The following SHB variants were observed in gnomAD, a reference collection of about 807,000 sequenced individuals.
The protein encoded by SHB is SH2 domain containing adaptor protein B, also known as SH2 domain-containing adapter protein B.
SHB carries 20 observed loss-of-function variants against 52.3 expected under a neutral mutation model. The ratio of observed to expected loss-of-function variants is 0.38; its 90% CI spans 0.27 to 0.56. The LOEUF (loss-of-function observed/expected upper bound fraction) is 0.56, where lower values mean the gene tolerates loss of function less well. Among genes scored for constraint, SHB ranks in the 20% least tolerant of loss-of-function variants. The probability of loss-of-function intolerance (pLI) is 0.71; values close to 1 mark genes in which losing one functional copy is unlikely to be tolerated. For synonymous variants in SHB, 397 were observed against 316.5 expected, an observed-to-expected ratio of 1.25 and a Z score of -2.70; for missense variants, 825 against 723.3, an observed-to-expected ratio of 1.14 and a Z score of -1.61.
intron 5 of SHB, among the ~76,000 whole-genome samples, chr9:37,929,373 A>G (rs542932820): frequency 1.3e-5 from 2 of 152,212 alleles, no homozygotes; most frequent in African/African-American, 4.8e-5. Context: ...AGCTTAATGC[A>G]TTTTTAAATT....
At position 37,916,678 on chromosome 9, in the gene SHB, T is replaced by C. The variant is rs1276847975; in HGVS notation, c.*3143A>G. On this transcript the variant is annotated 3_prime_UTR_variant, in exon 6 of 6. Coordinates refer to ENST00000377707, the MANE Select transcript of SHB (RefSeq NM_003028.3). Reference sequence around the variant, plus strand: ...ACCCCTTTCCTGGGAACAGCTACGCTGTGAGCCTCTCTCCAGGAGAGGGTG... The same window carrying C: ...ACCCCTTTCCTGGGAACAGCTACGCCGTGAGCCTCTCTCCAGGAGAGGGTG... Among the ~76,000 whole-genome samples the C allele has an allele frequency of 6.6e-6, 1 of 152,238 alleles. No homozygotes were observed. Among genetic ancestry groups the C allele is most frequent in the Non-Finnish European group, 1.5e-5 (1 of 68,040 alleles).
Position 38,026,964 on chromosome 9 carries a change from G to C in SHB, c.718-10833C>G, listed in dbSNP as rs530683358. 5.9e-5 allele frequency among the ~76,000 whole-genome samples: 9 copies of C among 152,306 alleles called. No homozygotes were observed. The South Asian group carries it at 1.9e-3, about 32-fold the overall frequency. On this transcript the variant is annotated intron_variant, in intron 1 of 5. Coordinates refer to ENST00000377707, the MANE Select transcript of SHB (RefSeq NM_003028.3). ...TTGCTTCCAGGTCCCCAGGGGAGAT[G>C]GGCATTATTCAGTTCACCTCCCCAA...
chr9:38,030,959 A>C (rs1483334961), intron 1 of SHB, among the ~76,000 whole-genome samples: 1 of 152,084 alleles, frequency 6.6e-6, no homozygotes, highest in Non-Finnish European at 1.5e-5. Context: ...TATACAAAAA[A>C]AAAAGGGGGG....
chr9:37,963,372 G>A (rs999176572), intron 3 of SHB, among the ~76,000 whole-genome samples: 2 of 152,218 alleles, frequency 1.3e-5, no homozygotes, highest in Admixed American at 6.5e-5. Flanking sequence ...AAGGCACCGT[G>A]TGTAGACTGC....
chr9:38,068,137 G>A lies in SHB; in HGVS notation c.509C>T (p.Pro170Leu), dbSNP rs559689472. ...HLYRSSSERR[P>L]ATPAEVRYIS... ...GTAGCGCACCTCGGCCGGCGTGGCG[G>A]GCCGCCGCTCGCTGCTGCTGCGGTA... Residue 170 changes from proline (P) to leucine (L), a missense_variant, in exon 1 of 6, where the codon CCC becomes CTC. Transcript: ENST00000377707. The A allele has an allele frequency of 6.3e-6, 9 of 1,439,526 alleles. No homozygotes were observed. Among genetic ancestry groups the A allele is most frequent in the South Asian group, 1.5e-5 (1 of 67,710 alleles). 89.2% of individuals were successfully genotyped at this position (1,439,526 alleles called of 1,614,324 possible).
intron 1 of SHB, among the ~76,000 whole-genome samples, chr9:38,041,274 T>C (rs759197943): frequency 2.6e-5 from 4 of 152,184 alleles, no homozygotes; most frequent in Admixed American, 6.5e-5. Context: ...TCCCTTCCCA[T>C]AACCATGCAC....
At chr9:37,936,801 G>A (rs1832377356) in intron 5 of SHB, 1 of 152,184 alleles carries the variant, frequency 6.6e-6, no homozygotes, top group Non-Finnish European at 1.5e-5. Context: ...AAAACTGGGT[G>A]ACATTTTACA....
In SHB at chr9:38,007,157, G is replaced by C. The variant is rs536944653; in HGVS notation, c.838+8854C>G. 1.6e-4 allele frequency among the ~76,000 whole-genome samples: 25 copies of C among 152,342 alleles called. No individual in the cohort carries two copies. In the South Asian group the frequency reaches 5.0e-3, roughly 30 times the overall value. Reference sequence around the variant, plus strand: ...GCTCACAAATAGCCACCCAGTCAATGAATGAATGCACTGCATTTTTCCCCT... The same window carrying C: ...GCTCACAAATAGCCACCCAGTCAATCAATGAATGCACTGCATTTTTCCCCT... On this transcript the variant is annotated intron_variant, in intron 2 of 5. Coordinates refer to ENST00000377707, the MANE Select transcript of SHB (RefSeq NM_003028.3).
chr9:37,940,338 T>G (rs1222534841), intron 5 of SHB, among the ~76,000 whole-genome samples: 3 of 152,232 alleles, frequency 2.0e-5, no homozygotes. Flanking sequence ...CCCTCAATGG[T>G]GCACTCTCTT....
At chr9:38,039,022 C>T (rs369500431) in intron 1 of SHB, among the ~76,000 whole-genome samples, 2 of 152,214 alleles carry the variant, frequency 1.3e-5, no homozygotes, top group East Asian at 1.9e-4. Flanking sequence ...GAACTCCTGA[C>T]GCTTATCGCT....
chr9:37,953,598 A>G (rs999565263), intron 4 of SHB, among the ~76,000 whole-genome samples: 1 of 152,024 alleles, frequency 6.6e-6, no homozygotes, highest in Non-Finnish European at 1.5e-5. Context: ...AGGTGGTAGG[A>G]GCACCTAGGC....
chr9:37,935,405 C>T (rs1312484980), intron 5 of SHB, among the ~76,000 whole-genome samples: 1 of 152,110 alleles, frequency 6.6e-6, no homozygotes, highest in East Asian at 1.9e-4. Flanking sequence ...GAGGAAATGA[C>T]GGGCACACGG....
At chr9:38,035,041 G>C (rs539189225) in intron 1 of SHB, among the ~76,000 whole-genome samples, 1 of 152,102 alleles carries the variant, frequency 6.6e-6, no homozygotes, top group African/African-American at 2.4e-5. Flanking sequence ...GGATGATAAA[G>C]AGCCCAGACT....
At chr9:37,967,225 T>A (rs975116027) in intron 3 of SHB, among the ~76,000 whole-genome samples, 14 of 152,230 alleles carry the variant, frequency 9.2e-5, no homozygotes, top group African/African-American at 3.1e-4. Context: ...TAATTTCCTG[T>A]CCCTGGTTCC....
chr9:38,062,037 G>A (rs968363490), intron 1 of SHB, among the ~76,000 whole-genome samples: 1 of 152,172 alleles, frequency 6.6e-6, no homozygotes, highest in African/African-American at 2.4e-5. Flanking sequence ...CCTCTTCTAG[G>A]GACACCAAAG....
intron 2 of SHB, 38 bp downstream of exon 2, chr9:38,015,973 A>C: frequency 6.2e-7 from 1 of 1,607,646 alleles, no homozygotes; most frequent in East Asian, 2.2e-5. Flanking sequence ...TACCCCTACA[A>C]CCCCAGCTGT....
intron 1 of SHB, among the ~76,000 whole-genome samples, chr9:38,027,642 T>C (rs1416757272): frequency 6.7e-6 from 1 of 150,110 alleles, no homozygotes; most frequent in African/African-American, 2.5e-5. Flanking sequence ...TGGAGCATGA[T>C]CTGACAGAGG....
intron 5 of SHB, among the ~76,000 whole-genome samples, chr9:37,922,507 T>C (rs184413294): frequency 6.6e-6 from 1 of 151,976 alleles, no homozygotes; most frequent in Non-Finnish European, 1.5e-5. Flanking sequence ...CCCCGGGAAG[T>C]CCCTCCTGCC....
chr9:37,968,340 C>G (rs1007139051), intron 3 of SHB, among the ~76,000 whole-genome samples: 1 of 152,138 alleles, frequency 6.6e-6, no homozygotes, highest in Non-Finnish European at 1.5e-5. Flanking sequence ...TCTCAGGTCC[C>G]GAAGTGGTGA....
Sources: allele counts gnomAD v4.1 joint callset (sites outside exome capture counted in the v4.1 genomes callset), GRCh38; gene constraint gnomAD v4.1.1; transcripts MANE v1.5; gene names NCBI Gene and HGNC (gene_info 2026-07-23, HGNC 2026-07-21).